The following CORIN variants were observed in gnomAD, a reference collection of about 807,000 sequenced individuals.
CORIN encodes the protein corin, serine peptidase, also known as atrial natriuretic peptide-converting enzyme.
A neutral mutation model predicts 125.3 loss-of-function variants in CORIN; 117 were observed. That is an observed-to-expected ratio of 0.93 (90% CI 0.80 to 1.09). The LOEUF is 1.09. Ranked by LOEUF, CORIN falls within the 50% of genes least tolerant of loss-of-function variation. The probability of loss-of-function intolerance (pLI) is 0.00; values close to 1 mark genes in which losing one functional copy is unlikely to be tolerated. For missense variants in CORIN, 1,253 were observed against 1,306.7 expected (o/e 0.96, Z 0.63); for synonymous variants, 450 against 466.4 (o/e 0.96, Z 0.45).
At chr4:47,746,069 T>C (rs1728648826) in intron 4 of CORIN, among the ~76,000 whole-genome samples, 1 of 152,198 alleles carries the variant, frequency 6.6e-6, no homozygotes, top group South Asian at 2.1e-4. Context: ...GGCAAGTTTC[T>C]TGGTATAAAG....
At chr4:47,684,534 T>C (rs1156333570) in intron 6 of CORIN, among the ~76,000 whole-genome samples, 1 of 152,220 alleles carries the variant, frequency 6.6e-6, no homozygotes, top group Non-Finnish European at 1.5e-5. Flanking sequence ...TGTGGGACTT[T>C]TAGTGTGTTA....
chr4:47,720,303 C>T (rs941004850), intron 5 of CORIN, among the ~76,000 whole-genome samples: 4 of 152,132 alleles, frequency 2.6e-5, no homozygotes, highest in African/African-American at 9.7e-5. Context: ...ATTTTCAGTG[C>T]AAAGTCTTAG....
intron 5 of CORIN, among the ~76,000 whole-genome samples, chr4:47,719,100 C>T (rs948736445): frequency 6.6e-6 from 1 of 152,208 alleles, no homozygotes; most frequent in Non-Finnish European, 1.5e-5. Context: ...GGACCTGCAA[C>T]CAACTGATAT....
At chr4:47,608,881 G>A (rs530216058) in intron 19 of CORIN, among the ~76,000 whole-genome samples, 113 of 152,240 alleles carry the variant, frequency 7.4e-4, no homozygotes, top group African/African-American at 2.6e-3. Flanking sequence ...GTTTAGACAT[G>A]AAATTTTTCA....
intron 1 of CORIN, among the ~76,000 whole-genome samples, chr4:47,811,851 C>G (rs1421011020): frequency 3.3e-5 from 5 of 152,200 alleles, no homozygotes; most frequent in Non-Finnish European, 7.3e-5. Context: ...TCTGCTGCTA[C>G]TACAACAACA....
intron 19 of CORIN, among the ~76,000 whole-genome samples, chr4:47,615,305 T>C (rs1362426002): frequency 6.6e-6 from 1 of 152,154 alleles, no homozygotes; most frequent in Non-Finnish European, 1.5e-5. Context: ...GGGAGTGACA[T>C]GGTGTGATTT....
chr4:47,604,607 T>G (rs1721575269), intron 19 of CORIN, among the ~76,000 whole-genome samples: 1 of 152,212 alleles, frequency 6.6e-6, no homozygotes. Flanking sequence ...GTGAATCTTC[T>G]CTTTTTCTTA....
chr4:47,724,642 G>A (rs113151181), intron 5 of CORIN, among the ~76,000 whole-genome samples: 29 of 152,266 alleles, frequency 1.9e-4, no homozygotes, highest in African/African-American at 5.3e-4. Context: ...ATTCAGGAAT[G>A]CAAGGCTAAT....
At chr4:47,768,678 A>C (rs1185412291) in intron 3 of CORIN, among the ~76,000 whole-genome samples, 3 of 152,228 alleles carry the variant, frequency 2.0e-5, no homozygotes, top group African/African-American at 7.2e-5. Flanking sequence ...AACATACACA[A>C]ATTAATAAAT....
Position 47,837,889 on chromosome 4 carries a change from G to T in CORIN, c.61C>A (p.Pro21Thr). The T allele has an allele frequency of 6.2e-7, 1 of 1,613,532 alleles. No homozygotes were observed. Among genetic ancestry groups the T allele is most frequent in the South Asian group, 1.1e-5 (1 of 91,068 alleles). Residue 21 changes from proline to threonine, a missense_variant and splice_region_variant, in exon 1 of 22, where the codon CCG becomes ACG. Coordinates refer to ENST00000273857, the MANE Select transcript of CORIN (RefSeq NM_006587.4). ...ERCRRAGSPKPVLRADDNNMG... is the reference protein window; with the variant it reads ...ERCRRAGSPKTVLRADDNNMG... ...GGACAGCGAATCATCGATCTTACCG[G>T]CTTTGGGGACCCGGCTCTGCGGCAG...
chr4:47,685,584 C>A (rs189785641), intron 6 of CORIN, among the ~76,000 whole-genome samples: 2 of 152,036 alleles, frequency 1.3e-5, no homozygotes, highest in East Asian at 1.9e-4. Context: ...CTGTATTGTG[C>A]GGTTAGTCGC....
At chr4:47,742,051 T>C (rs1728426896) in intron 5 of CORIN, among the ~76,000 whole-genome samples, 1 of 152,024 alleles carries the variant, frequency 6.6e-6, no homozygotes, top group Non-Finnish European at 1.5e-5. Flanking sequence ...AGATGAATTT[T>C]ATAGTATGTG....
chr4:47,721,898 T>C (rs60733242), intron 5 of CORIN, among the ~76,000 whole-genome samples: 67 of 152,370 alleles, frequency 4.4e-4, no homozygotes, highest in African/African-American at 1.5e-3. Flanking sequence ...GTTTGTTTTA[T>C]TCTGTTACTA....
chr4:47,828,560 C>T (rs1050809146), intron 1 of CORIN, among the ~76,000 whole-genome samples: 2 of 152,204 alleles, frequency 1.3e-5, no homozygotes, highest in African/African-American at 2.4e-5. Context: ...TTTCTAAGGG[C>T]ATTGTGATCA....
chr4:47,687,608 A>G (rs1314885101), intron 6 of CORIN, among the ~76,000 whole-genome samples: 1 of 152,230 alleles, frequency 6.6e-6, no homozygotes, highest in East Asian at 1.9e-4. Context: ...AAACTAACAC[A>G]CAGAAAGGCT....
At chr4:47,702,079 CT>C (rs1249475701) in intron 5 of CORIN, among the ~76,000 whole-genome samples, 1 of 152,034 alleles carries the variant, frequency 6.6e-6, no homozygotes, top group Non-Finnish European at 1.5e-5. Context: ...GAGGTGCTAC[CT>C]TCCGAATTTG....
intron 2 of CORIN, among the ~76,000 whole-genome samples, chr4:47,792,934 T>C (rs1731141280): frequency 6.6e-6 from 1 of 152,174 alleles, no homozygotes; most frequent in Non-Finnish European, 1.5e-5. Context: ...AAATCACCAG[T>C]ATTGGGGGAT....
chr4:47,820,151 T>C (rs1227518024), intron 1 of CORIN, among the ~76,000 whole-genome samples: 1 of 152,014 alleles, frequency 6.6e-6, no homozygotes, highest in Non-Finnish European at 1.5e-5. Context: ...TTTAAATACA[T>C]AGTGGCAGTC....
chr4:47,645,867 C>A lies in CORIN; in HGVS notation c.1844-673G>T, dbSNP rs534744424. Among the ~76,000 whole-genome samples, 11 of 152,238 alleles carry A rather than the reference C, an allele frequency of 7.2e-5. No homozygotes were observed. The East Asian group carries it at 2.1e-3, about 29-fold the overall frequency. ...CACAACTGCACTCCAGCCTGGGTGA[C>A]AGAACAAGACTCTGCCTTTTAAAAC... On this transcript the variant is annotated intron_variant, in intron 13 of 21. Coordinates refer to ENST00000273857, the MANE Select transcript of CORIN (RefSeq NM_006587.4).
Sources: gnomAD v4.1 joint callset for allele counts (sites outside exome capture counted in the v4.1 genomes callset) on GRCh38, gnomAD v4.1.1 for gene constraint, MANE v1.5 for transcripts, NCBI Gene and HGNC (gene_info 2026-07-23, HGNC 2026-07-21) for gene names.